GK5: variants seen among roughly 807,000 people sequenced by gnomAD.
GK5 encodes the protein glycerol kinase 5.
Under a neutral mutation model 77.3 loss-of-function variants are expected in GK5, and 39 were observed. That is an observed-to-expected ratio of 0.50 (90% CI 0.39 to 0.66). GK5 has a LOEUF of 0.66. GK5 is among the 30% of genes least tolerant of loss of function. The probability of loss-of-function intolerance (pLI) is 0.00; values close to 1 mark genes in which losing one functional copy is unlikely to be tolerated. For missense variants in GK5, 487 were observed against 633.8 expected, an observed-to-expected ratio of 0.77 and a Z score of 2.49; for synonymous variants, 211 against 208.0, an observed-to-expected ratio of 1.01 and a Z score of -0.13.
rs1429562847 is a variant in GK5 at position 142,207,283 on chromosome 3, CG to C, written c.318-2496del. On this transcript the variant is annotated intron_variant, in intron 3 of 15. Transcript: ENST00000392993. ...GGCTATAAACGCCCTCATCTTGCCA[CG>C]GCTCTTCTAGGCCTCTTTAGGGTTA... Among the ~76,000 whole-genome samples, 3 of 152,306 alleles carry C rather than the reference CG, an allele frequency of 2.0e-5. No individual in the cohort carries two copies. The East Asian group carries it at 5.8e-4, about 29-fold the overall frequency.
In GK5 at chr3:142,164,737, T is replaced by C. The variant is rs546622069; in HGVS notation, c.*885A>G. 5.2e-4 allele frequency: 79 copies of C among 152,274 alleles called. 1 individual carries two copies. Among genetic ancestry groups the C allele is most frequent in the Middle Eastern group, 3.4e-3 (1 of 294 alleles). The allele number at this position is 152,274 out of a possible 1,614,324, so 9.4% of individuals were successfully genotyped here. ...CTTCTTCAAATTAAGCTCTGTCAAT[T>C]AGGCACTTAATAAAAACAAAAGACA... On this transcript the variant is annotated 3_prime_UTR_variant, in exon 16 of 16. Coordinates refer to ENST00000392993, the MANE Select transcript of GK5 (RefSeq NM_001039547.3).
intron 3 of GK5, among the ~76,000 whole-genome samples, chr3:142,212,527 C>A (rs1418774031): frequency 6.6e-6 from 1 of 151,938 alleles, no homozygotes; most frequent in Admixed American, 6.6e-5. Flanking sequence ...CAGAGTAAGA[C>A]CCTGTCTCAA....
chr3:142,184,260 C>CAA (rs1161704184), intron 9 of GK5, among the ~76,000 whole-genome samples: 126 of 10,666 alleles, frequency 0.012, 38 homozygotes, highest in African/African-American at 0.042. Flanking sequence ...GACTCTGTCT[C>CAA]AAAAAAAAAA....
chr3:142,203,751 G>A (rs1424550595), intron 4 of GK5, among the ~76,000 whole-genome samples: 1 of 152,086 alleles, frequency 6.6e-6, no homozygotes, highest in Admixed American at 6.6e-5. Flanking sequence ...TCCAGCTTGG[G>A]CGATAGAGCA....
At chr3:142,206,653 C>A (rs1456155200) in intron 3 of GK5, among the ~76,000 whole-genome samples, 1 of 152,184 alleles carries the variant, frequency 6.6e-6, no homozygotes, top group African/African-American at 2.4e-5. Flanking sequence ...TAACCCCTTA[C>A]TAGGGATTAG....
intron 12 of GK5, 32 bp from the exon 13 acceptor site, chr3:142,172,488 A>G: frequency 8.7e-7 from 1 of 1,155,542 alleles, no homozygotes; most frequent in Non-Finnish European, 1.3e-6. Context: ...ATATATTATT[A>G]TTATTCTAAA....
chr3:142,186,050 A>G (rs2063765500), intron 8 of GK5, 61 bp from the exon 9 acceptor site: 1 of 1,414,518 alleles, frequency 7.1e-7, no homozygotes, highest in African/African-American at 1.4e-5. Flanking sequence ...TTTAAAACTC[A>G]GCAAATTGTT....
At chr3:142,212,362 C>T (rs955001810) in intron 3 of GK5, among the ~76,000 whole-genome samples, 3 of 151,780 alleles carry the variant, frequency 2.0e-5, no homozygotes, top group Non-Finnish European at 2.9e-5. Context: ...GGTGAAACCC[C>T]GTCTCTACAA....
At chr3:142,202,388 G>A (rs2064039081) in intron 4 of GK5, among the ~76,000 whole-genome samples, 1 of 152,140 alleles carries the variant, frequency 6.6e-6, no homozygotes, top group South Asian at 2.1e-4. Flanking sequence ...CCAAACTAAT[G>A]ACATTGGTGC....
At chr3:142,222,850 C>A (rs2064371975) in intron 1 of GK5, among the ~76,000 whole-genome samples, 1 of 152,140 alleles carries the variant, frequency 6.6e-6, no homozygotes, top group Non-Finnish European at 1.5e-5. Context: ...AGTCAATAGA[C>A]ATAAAATTAT....
At chr3:142,180,166 T>G (rs2107772551) in intron 11 of GK5, among the ~76,000 whole-genome samples, 1 of 152,346 alleles carries the variant, frequency 6.6e-6, no homozygotes, top group South Asian at 2.1e-4. Context: ...GCTTGCTTCT[T>G]CCCGTGCGCC....
intron 3 of GK5, among the ~76,000 whole-genome samples, chr3:142,211,748 C>T (rs546360420): frequency 7.9e-5 from 12 of 152,132 alleles, no homozygotes; most frequent in South Asian, 2.1e-4. Context: ...GAGCTATGAT[C>T]GTGCCACTGC....
At chr3:142,181,433 T>G in intron 11 of GK5, 28 bp downstream of exon 11, 1 of 1,389,522 alleles carries the variant, frequency 7.2e-7, no homozygotes, top group Non-Finnish European at 1.0e-6. Flanking sequence ...AGGTCTGGCT[T>G]GTGAAATCCA....
chr3:142,206,884 A>G (rs897361951), intron 3 of GK5, among the ~76,000 whole-genome samples: 3 of 152,340 alleles, frequency 2.0e-5, no homozygotes, highest in East Asian at 1.9e-4. Flanking sequence ...CTTCAATCCA[A>G]TCGTGATCAG....
intron 1 of GK5, among the ~76,000 whole-genome samples, chr3:142,216,116 A>T (rs1323474513): frequency 6.6e-6 from 1 of 152,166 alleles, no homozygotes; most frequent in Non-Finnish European, 1.5e-5. Flanking sequence ...GCCATTGTGG[A>T]CTCTTAAAAA....
At chr3:142,170,236 C>G in intron 15 of GK5, 89 bp downstream of exon 15, 1 of 1,360,194 alleles carries the variant, frequency 7.4e-7, no homozygotes, top group South Asian at 1.2e-5. Flanking sequence ...TTTCCAGACT[C>G]TCTAGAATTT....
At chr3:142,193,226 G>A (rs901579696) in intron 5 of GK5, among the ~76,000 whole-genome samples, 32 of 152,128 alleles carry the variant, frequency 2.1e-4, no homozygotes, top group African/African-American at 7.7e-4. Flanking sequence ...GAATGTTTCT[G>A]TAAACCTAAA....
intron 13 of GK5, among the ~76,000 whole-genome samples, chr3:142,172,122 C>T (rs1357755309): frequency 6.6e-6 from 1 of 151,754 alleles, no homozygotes; most frequent in Non-Finnish European, 1.5e-5. Flanking sequence ...AAAAATCCTT[C>T]AATTTTCAGA....
rs551722115 is a variant in GK5, at chr3:142,199,124, A to G, written c.412-191T>C. ...GGCAGTTTGTATTCTAACATATGAA[A>G]TGCAACATATCTACTTTGAATTATT... is the stretch of plus-strand genomic sequence containing the variant. On this transcript the variant is annotated intron_variant, in intron 4 of 15. Transcript: ENST00000392993. Among the ~76,000 whole-genome samples the G allele has an allele frequency of 1.5e-3, 232 of 152,312 alleles. 2 individuals carry two copies. Among genetic ancestry groups the G allele is most frequent in the African/African-American group, 5.4e-3 (226 of 41,572 alleles).
Sources: gnomAD v4.1 joint callset for allele counts (sites outside exome capture counted in the v4.1 genomes callset) on GRCh38, gnomAD v4.1.1 for gene constraint, MANE v1.5 for transcripts, NCBI Gene and HGNC (gene_info 2026-07-23, HGNC 2026-07-21) for gene names.